DYRK1A: variants seen among roughly 807,000 people sequenced by gnomAD.
DYRK1A encodes dual specificity tyrosine phosphorylation regulated kinase 1A, also known as dual specificity tyrosine-phosphorylation-regulated kinase 1A.
In DYRK1A, 9 loss-of-function variants were observed where a neutral mutation model predicts 79.7. That is an observed-to-expected ratio of 0.11 (90% CI 0.07 to 0.20). The LOEUF (loss-of-function observed/expected upper bound fraction) is 0.20, where lower values mean the gene tolerates loss of function less well. Among genes scored for constraint, DYRK1A ranks in the 10% least tolerant of loss-of-function variants. The pLI, the probability that DYRK1A is intolerant of heterozygous loss-of-function variation, is 1.00. For synonymous variants in DYRK1A, 349 were observed against 329.7 expected (o/e 1.06, Z -0.63); for missense variants, 622 against 956.0 (o/e 0.65, Z 4.61).
At chr21:37,475,657 C>G (rs2052369885) in intron 3 of DYRK1A, among the ~76,000 whole-genome samples, 1 of 152,130 alleles carries the variant, frequency 6.6e-6, no homozygotes, top group African/African-American at 2.4e-5. Context: ...GCCTTGTAGG[C>G]AGAGTATGAC....
chr21:37,448,205 A>G (rs190941130), intron 2 of DYRK1A, among the ~76,000 whole-genome samples: 64 of 152,384 alleles, frequency 4.2e-4, no homozygotes, highest in Admixed American at 4.2e-3. Context: ...AGATTTTAAT[A>G]GACATCTCCC....
Position 37,480,842 on chromosome 21 carries a change from A to G in DYRK1A, c.489+16A>G. ...CTTTGGACAGGTAATTTAATGGAAAATGCTGAATTTCATTAGTTAGAAAGA... is the reference window on the plus strand; with the variant it reads ...CTTTGGACAGGTAATTTAATGGAAAGTGCTGAATTTCATTAGTTAGAAAGA... On this transcript the variant is annotated intron_variant, in intron 5 of 11. Transcript: ENST00000647188. 1 of 1,564,222 alleles carries G rather than the reference A, an allele frequency of 6.4e-7. No homozygotes were observed. Among genetic ancestry groups the G allele is most frequent in the Middle Eastern group, 1.7e-4 (1 of 5,748 alleles).
intron 2 of DYRK1A, among the ~76,000 whole-genome samples, chr21:37,469,821 G>A (rs975052717): frequency 1.3e-5 from 2 of 152,094 alleles, no homozygotes; most frequent in Admixed American, 6.5e-5. Flanking sequence ...ATTACAGTTC[G>A]ACATGAGAAT....
chr21:37,418,404 T>C (rs147746201), intron 1 of DYRK1A, among the ~76,000 whole-genome samples: 2 of 152,338 alleles, frequency 1.3e-5, no homozygotes, highest in Admixed American at 1.3e-4. Context: ...TAATGAAATC[T>C]AATTTCTAAC....
rs775847613 is a variant in DYRK1A at position 37,496,108 on chromosome 21, T to C, written c.1072-10T>C. 1.3e-6 allele frequency: 2 copies of C among 1,595,850 alleles called. No individual in the cohort carries two copies. The highest frequency in any genetic ancestry group is 2.3e-5 in the South Asian group (2 of 87,168). ...AATTACAGGTTTTGTTGTTTTTATT[T>C]TTAATACAGGTAGATCAGATGAATA... is the stretch of plus-strand genomic sequence containing the variant. On this transcript the variant is annotated splice_polypyrimidine_tract_variant and intron_variant, in intron 8 of 11. Transcript: ENST00000647188.
intron 1 of DYRK1A, among the ~76,000 whole-genome samples, chr21:37,398,592 A>C (rs2050000899): frequency 6.6e-6 from 1 of 152,216 alleles, no homozygotes; most frequent in Admixed American, 6.5e-5. Context: ...TTTTGTTTTT[A>C]CATAGTTTAT....
At chr21:37,375,519 CTTTTTTTTTT>C (rs58948987) in intron 1 of DYRK1A, among the ~76,000 whole-genome samples, 9 of 81,460 alleles carry the variant, frequency 1.1e-4, no homozygotes, top group South Asian at 4.7e-4. Context: ...AGGAATATTA[CTTTTTTTTTT>C]TTTTTTTTTT....
chr21:37,507,538 T>C (rs2053633085), intron 11 of DYRK1A, among the ~76,000 whole-genome samples: 1 of 152,180 alleles, frequency 6.6e-6, no homozygotes, highest in African/African-American at 2.4e-5. Context: ...CCTTTATTCA[T>C]GGGTCCAGTG....
chr21:37,482,381 T>A (rs2052678994), intron 5 of DYRK1A, among the ~76,000 whole-genome samples: 1 of 152,102 alleles, frequency 6.6e-6, no homozygotes, highest in South Asian at 2.1e-4. Context: ...GGGGGAGACA[T>A]CACATGTCGG....
chr21:37,397,603 T>A (rs1233795840), intron 1 of DYRK1A, among the ~76,000 whole-genome samples: 1 of 152,204 alleles, frequency 6.6e-6, no homozygotes, highest in East Asian at 1.9e-4. Flanking sequence ...AGGAAGCTGC[T>A]GCTTGAATAT....
intron 1 of DYRK1A, among the ~76,000 whole-genome samples, chr21:37,388,377 C>G (rs1226535279): frequency 1.3e-5 from 2 of 152,022 alleles, no homozygotes; most frequent in Non-Finnish European, 2.9e-5. Context: ...AGCCACCAGC[C>G]TGACCCTGCC....
chr21:37,365,783 G>A (rs2049290384), upstream of DYRK1A: 1 of 152,510 alleles, frequency 6.6e-6, no homozygotes, highest in Non-Finnish European at 1.5e-5. Context: ...ACAGCACAAG[G>A]GGATTCATCT....
chr21:37,479,352 T>A (rs941018152), intron 4 of DYRK1A, among the ~76,000 whole-genome samples: 2 of 152,176 alleles, frequency 1.3e-5, no homozygotes, highest in Non-Finnish European at 2.9e-5. Flanking sequence ...TATATTAATT[T>A]CAATTTGTTA....
chr21:37,370,953 T>C (rs993395193), intron 1 of DYRK1A, among the ~76,000 whole-genome samples: 2 of 152,204 alleles, frequency 1.3e-5, no homozygotes, highest in African/African-American at 4.8e-5. Context: ...TAAAAGACTT[T>C]TTACCAGATG....
chr21:37,464,531 T>C (rs2148535612), intron 2 of DYRK1A, among the ~76,000 whole-genome samples: 1 of 152,360 alleles, frequency 6.6e-6, no homozygotes. Flanking sequence ...GAAAATACTT[T>C]GGAACTGCAC....
intron 9 of DYRK1A, among the ~76,000 whole-genome samples, chr21:37,496,627 G>A (rs41399945): frequency 0.047 from 7,080 of 152,162 alleles, 262 homozygotes; most frequent in Non-Finnish European, 0.068. Context: ...GTGAACAGAA[G>A]TCACAATTGG....
Position 37,512,595 on chromosome 21 carries a change from A to T in DYRK1A, c.*64A>T. 1 of 1,562,740 alleles carries T rather than the reference A, an allele frequency of 6.4e-7. No homozygotes were observed. ...TAGAAGTGGTGTTTTTTTTCCAAAA[A>T]CAAAGTGCAAAGCTGCTTGAATCAG... On this transcript the variant is annotated 3_prime_UTR_variant, in exon 12 of 12. Transcript: ENST00000647188.
chr21:37,411,049 T>TA (rs35292922), intron 1 of DYRK1A, among the ~76,000 whole-genome samples: 5,748 of 56,426 alleles, frequency 0.1, 844 homozygotes, highest in Non-Finnish European at 0.14. Context: ...ATTCTGTCTT[T>TA]AAAAAAAAAA....
At chr21:37,365,817 C>G (rs1341862945), upstream of DYRK1A, 1 of 152,544 alleles carries the variant, frequency 6.6e-6, no homozygotes, top group Non-Finnish European at 1.5e-5. Flanking sequence ...ATGGAGCAGG[C>G]AGGCTGCGCC....
Sources: gnomAD v4.1 joint callset for allele counts (sites outside exome capture counted in the v4.1 genomes callset) on GRCh38, gnomAD v4.1.1 for gene constraint, MANE v1.5 for transcripts, NCBI Gene and HGNC (gene_info 2026-07-23, HGNC 2026-07-21) for gene names.